The following ADCYAP1R1 variants were observed in gnomAD, a reference collection of about 807,000 sequenced individuals.
ADCYAP1R1 encodes the protein ADCYAP receptor type I.
Under a neutral mutation model 67.6 loss-of-function variants are expected in ADCYAP1R1, and 44 were observed. The ratio of observed to expected loss-of-function variants is 0.65; its 90% confidence interval spans 0.51 to 0.84. ADCYAP1R1 has a LOEUF of 0.84. ADCYAP1R1 is among the 40% of genes least tolerant of loss of function. The probability of loss-of-function intolerance (pLI) is 0.00; values close to 1 mark genes in which losing one functional copy is unlikely to be tolerated. For missense variants in ADCYAP1R1, 477 were observed against 587.9 expected, an observed-to-expected ratio of 0.81 and a Z score of 1.95; for synonymous variants, 222 against 219.6, an observed-to-expected ratio of 1.01 and a Z score of -0.10.
intron 3 of ADCYAP1R1, among the ~76,000 whole-genome samples, chr7:31,068,507 G>A (rs768156674): frequency 3.3e-5 from 5 of 152,206 alleles, no homozygotes; most frequent in Non-Finnish European, 7.3e-5. Context: ...AGGTCATACA[G>A]CAGAGGCAGT....
At chr7:31,055,686 G>C (rs1174335770) in intron 1 of ADCYAP1R1, among the ~76,000 whole-genome samples, 1 of 152,244 alleles carries the variant, frequency 6.6e-6, no homozygotes, top group Non-Finnish European at 1.5e-5. Context: ...TGACTGGCTG[G>C]AAGGGGTTGC....
In ADCYAP1R1 at chr7:31,109,182, AT is replaced by A. The variant is rs1357804474; in HGVS notation, c.*2500del. ...ATCCTCATAGAGGTGCCGGGTTCCTATTGGTTAGTTGGTTGTTTTTCCGTCT... is the reference window on the plus strand; with the variant it reads ...ATCCTCATAGAGGTGCCGGGTTCCTATGGTTAGTTGGTTGTTTTTCCGTCT... On this transcript the variant is annotated 3_prime_UTR_variant, in exon 16 of 16. Transcript: ENST00000304166. 6.6e-6 allele frequency: 1 copy of A among 152,110 alleles called. No individual in the cohort carries two copies. Among genetic ancestry groups the A allele is most frequent in the African/African-American group, 2.4e-5 (1 of 41,404 alleles). The allele number at this position is 152,110 out of a possible 1,614,324, so 9.4% of individuals were successfully genotyped here.
chr7:31,094,380 G>A (rs991992379), intron 13 of ADCYAP1R1, among the ~76,000 whole-genome samples: 3 of 151,922 alleles, frequency 2.0e-5, no homozygotes, highest in Non-Finnish European at 4.4e-5. Context: ...GTCTAGTGTT[G>A]GACACTGCCC....
At chr7:31,091,608 T>C (rs1795964015) in intron 12 of ADCYAP1R1, among the ~76,000 whole-genome samples, 1 of 152,100 alleles carries the variant, frequency 6.6e-6, no homozygotes, top group East Asian at 1.9e-4. Flanking sequence ...AAGGAAGGGG[T>C]CCAGTTTCAC....
chr7:31,055,130 G>A (rs1794185648), intron 1 of ADCYAP1R1, among the ~76,000 whole-genome samples: 2 of 152,118 alleles, frequency 1.3e-5, no homozygotes, highest in Non-Finnish European at 2.9e-5. Flanking sequence ...CAGCTGGGAC[G>A]GCATATAGGC....
intron 6 of ADCYAP1R1, 22 bp downstream of exon 6, chr7:31,081,776 G>T: frequency 6.3e-7 from 1 of 1,585,378 alleles, no homozygotes; most frequent in South Asian, 1.2e-5. Context: ...GGCTGGGGTT[G>T]ACCATGGACT....
chr7:31,078,663 C>T (rs1241586574), intron 4 of ADCYAP1R1, among the ~76,000 whole-genome samples: 1 of 152,214 alleles, frequency 6.6e-6, no homozygotes, highest in Admixed American at 6.5e-5. Context: ...CACTTAGACG[C>T]AGGCACAAGG....
At chr7:31,101,142 C>T (rs1309416199) in intron 13 of ADCYAP1R1, among the ~76,000 whole-genome samples, 1 of 152,214 alleles carries the variant, frequency 6.6e-6, no homozygotes, top group African/African-American at 2.4e-5. Flanking sequence ...CCTGGCTCCC[C>T]AGCAGAAGTC....
chr7:31,076,598 G>A (rs1009254219), intron 3 of ADCYAP1R1, among the ~76,000 whole-genome samples: 14 of 152,170 alleles, frequency 9.2e-5, no homozygotes, highest in African/African-American at 2.7e-4. Flanking sequence ...TGCTGTGGGG[G>A]GCCTCTGCAG....
chr7:31,068,553 G>C (rs912486077), intron 3 of ADCYAP1R1, among the ~76,000 whole-genome samples: 1 of 152,182 alleles, frequency 6.6e-6, no homozygotes, highest in South Asian at 2.1e-4. Flanking sequence ...GGGAGACAGG[G>C]ACCCTGAAAT....
intron 3 of ADCYAP1R1, among the ~76,000 whole-genome samples, chr7:31,067,878 G>A (rs1365399371): frequency 6.6e-6 from 1 of 152,240 alleles, no homozygotes; most frequent in African/African-American, 2.4e-5. Flanking sequence ...TAGTTATTAG[G>A]AGCTGTCATC....
chr7:31,107,893 C>G lies in ADCYAP1R1; in HGVS notation c.*1209C>G, dbSNP rs1796710993. 6.6e-6 allele frequency: 1 copy of G among 152,264 alleles called. No individual in the cohort carries two copies. The highest frequency in any genetic ancestry group is 2.4e-5 in the African/African-American group (1 of 41,464). The allele number at this position is 152,264 out of a possible 1,614,324, so 9.4% of individuals were successfully genotyped here. A position where few individuals can be genotyped will look rare whatever the true frequency, so the allele number is the denominator to read the frequency against. ...GTCGGGAGAAGCCACACCCAACATG[C>G]CCATTAGCAGAGGCTGCTGCTGATG... On this transcript the variant is annotated 3_prime_UTR_variant, in exon 16 of 16. Coordinates refer to ENST00000304166, the MANE Select transcript of ADCYAP1R1 (RefSeq NM_001118.5).
At chr7:31,087,872 T>C (rs1795818264) in intron 12 of ADCYAP1R1, among the ~76,000 whole-genome samples, 176 bp downstream of exon 12, 1 of 152,216 alleles carries the variant, frequency 6.6e-6, no homozygotes, top group Admixed American at 6.5e-5. Context: ...ACACTGGAGA[T>C]TTATATTGTC....
At chr7:31,064,738 T>C (rs1027604500) in intron 2 of ADCYAP1R1, 93 bp from the exon 3 acceptor site, 3 of 994,552 alleles carry the variant, frequency 3.0e-6, no homozygotes, top group Non-Finnish European at 4.6e-6. Context: ...TGCTCCCCAC[T>C]CCCCCCAAGA....
chr7:31,083,532 A>G (rs190429107), intron 6 of ADCYAP1R1, among the ~76,000 whole-genome samples: 1 of 152,304 alleles, frequency 6.6e-6, no homozygotes, highest in Admixed American at 6.5e-5. Context: ...AAACCCAAAT[A>G]TATATCTTCG....
intron 13 of ADCYAP1R1, among the ~76,000 whole-genome samples, chr7:31,098,131 A>G (rs1027127652): frequency 6.6e-6 from 1 of 152,084 alleles, no homozygotes; most frequent in African/African-American, 2.4e-5. Context: ...CAAACTCCTG[A>G]ACTCAGCCAA....
intron 1 of ADCYAP1R1, among the ~76,000 whole-genome samples, chr7:31,058,026 G>A (rs1318736060): frequency 6.6e-6 from 1 of 152,214 alleles, no homozygotes; most frequent in African/African-American, 2.4e-5. Flanking sequence ...GGTGGGGTAG[G>A]CTGTCCACAC....
chr7:31,056,114 C>A (rs918384886), intron 1 of ADCYAP1R1, among the ~76,000 whole-genome samples: 3 of 152,176 alleles, frequency 2.0e-5, no homozygotes, highest in African/African-American at 7.2e-5. Context: ...CTAGACAAGA[C>A]TCGAAACTCA....
At chr7:31,079,787 T>A (rs1269112808) in intron 4 of ADCYAP1R1, among the ~76,000 whole-genome samples, 1 of 152,134 alleles carries the variant, frequency 6.6e-6, no homozygotes, top group Non-Finnish European at 1.5e-5. Flanking sequence ...GAGGGTGGCA[T>A]TGAACTCTCC....
Sources: allele counts gnomAD v4.1 joint callset (sites outside exome capture counted in the v4.1 genomes callset), GRCh38; gene constraint gnomAD v4.1.1; transcripts MANE v1.5; gene names NCBI Gene and HGNC (gene_info 2026-07-23, HGNC 2026-07-21).